The following NAV1 variants were observed in gnomAD, a reference collection of about 807,000 sequenced individuals.
The protein encoded by NAV1 is neuron navigator 1.
Under a neutral mutation model 175.2 loss-of-function variants are expected in NAV1, and 18 were observed. That is an observed-to-expected ratio of 0.10 (90% CI 0.07 to 0.15). The LOEUF is 0.15. Among genes scored for constraint, NAV1 ranks in the 10% least tolerant of loss-of-function variants. NAV1 has a pLI of 1.00. For missense variants in NAV1, 1,731 were observed against 2,436.6 expected (o/e 0.71, Z 6.10); for synonymous variants, 897 against 978.7 (o/e 0.92, Z 1.56).
upstream of NAV1, among the ~76,000 whole-genome samples, chr1:201,644,231 G>C (rs1668901150): frequency 6.6e-6 from 1 of 152,204 alleles, no homozygotes; most frequent in Non-Finnish European, 1.5e-5. Context: ...TTTGAAGCCT[G>C]TCATTCTAGA....
chr1:201,564,952 C>T (rs756069613), intron 1 of NAV1, among the ~76,000 whole-genome samples: 1 of 152,206 alleles, frequency 6.6e-6, no homozygotes, highest in Non-Finnish European at 1.5e-5. Context: ...GAAAGGTTCT[C>T]TGCTTTTAAG....
At chr1:201,608,208 G>T (rs1272061376) in intron 2 of NAV1, among the ~76,000 whole-genome samples, 1 of 152,118 alleles carries the variant, frequency 6.6e-6, no homozygotes, top group African/African-American at 2.4e-5. Flanking sequence ...GCTTAGAGAG[G>T]TTAAGTAACT....
chr1:201,551,525 A>G (rs1665854791), intron 1 of NAV1, among the ~76,000 whole-genome samples: 1 of 152,220 alleles, frequency 6.6e-6, no homozygotes, highest in African/African-American at 2.4e-5. Flanking sequence ...CACCTCGCCC[A>G]GCGCCACAGT....
chr1:201,642,845 C>T (rs181019741), intron 2 of NAV1, among the ~76,000 whole-genome samples: 146 of 151,788 alleles, frequency 9.6e-4, no homozygotes, highest in African/African-American at 3.3e-3. Flanking sequence ...TCTCGGCTCA[C>T]TGCAGGCTCC....
At position 201,777,265 on chromosome 1, in the gene NAV1, C is replaced by T. The variant is rs565799501; in HGVS notation, c.1227-3156C>T. On this transcript the variant is annotated intron_variant, in intron 3 of 29. Transcript: ENST00000367296. Reference sequence around the variant, plus strand: ...AATCGCCAGGATAATGAAGTGTGGTCGCATAATGTCAACTATTCAGCAGAT... The same window carrying T: ...AATCGCCAGGATAATGAAGTGTGGTTGCATAATGTCAACTATTCAGCAGAT... Among the ~76,000 whole-genome samples, 45 of 152,020 alleles carry T rather than the reference C, an allele frequency of 3.0e-4. 1 individual carries two copies. Among genetic ancestry groups the T allele is most frequent in the Admixed American group, 3.9e-4 (6 of 15,258 alleles).
chr1:201,755,759 C>T (rs1674412876), intron 3 of NAV1, among the ~76,000 whole-genome samples: 1 of 152,122 alleles, frequency 6.6e-6, no homozygotes, highest in African/African-American at 2.4e-5. Context: ...TTAAAATAAA[C>T]CTCCTCCTTA....
chr1:201,720,696 G>T (rs897832907), intron 3 of NAV1, among the ~76,000 whole-genome samples: 1 of 152,176 alleles, frequency 6.6e-6, no homozygotes, highest in East Asian at 1.9e-4. Context: ...CTTATCTCAG[G>T]GTTCTGATGA....
At chr1:201,565,834 G>A (rs1343453100) in intron 1 of NAV1, among the ~76,000 whole-genome samples, 3 of 152,096 alleles carry the variant, frequency 2.0e-5, no homozygotes, top group Non-Finnish European at 2.9e-5. Flanking sequence ...GGGGCCTTGT[G>A]GCTTCAGGCC....
chr1:201,579,689 C>G (rs534077786), intron 1 of NAV1, among the ~76,000 whole-genome samples: 1 of 152,202 alleles, frequency 6.6e-6, no homozygotes, highest in South Asian at 2.1e-4. Context: ...CTTTCAGAGT[C>G]TTCTTATGTT....
Position 201,539,521 on chromosome 1 carries a change from C to T in NAV1, c.-144+179C>T, listed in dbSNP as rs1665439584. On this transcript the variant is annotated intron_variant, in intron 1 of 33. Coordinates refer to the NAV1 transcript ENST00000685211. The surrounding 1 kb of genome is among the most constrained non-coding windows in gnomAD (Gnocchi z 5.6). ...GGAGAGGCGCTGGAATAAATAACAA[C>T]CAAGATGCTCGCGGCTTCCCGGGAA... 6.6e-6 allele frequency among the ~76,000 whole-genome samples: 1 copy of T among 152,128 alleles called. No homozygotes were observed. Among genetic ancestry groups the T allele is most frequent in the East Asian group, 1.9e-4 (1 of 5,172 alleles).
chr1:201,639,438 C>A lies in NAV1; in HGVS notation c.5-9196C>A, dbSNP rs535351133. Among the ~76,000 whole-genome samples the A allele has an allele frequency of 9.2e-5, 14 of 152,186 alleles. No homozygotes were observed. The South Asian group carries it at 2.9e-3, about 32-fold the overall frequency. On this transcript the variant is annotated intron_variant, in intron 2 of 29. Coordinates refer to the NAV1 transcript ENST00000367302. ...ACTCCCCAAGGAGGGGAAGGAGAAA[C>A]CCCGTGCCTTGTTGTGCACTGCCAG...
At position 201,609,739 on chromosome 1, in the gene NAV1, G is replaced by A. The variant is rs151105592; in HGVS notation, c.-32-13114G>A. Among the ~76,000 whole-genome samples, 642 of 152,206 alleles carry A rather than the reference G, an allele frequency of 4.2e-3. 6 individuals are homozygous for A. The highest frequency in any genetic ancestry group is 0.014 in the African/African-American group (591 of 41,514). ...TGAGCTCTCCCAGCCCCAAGGTTCCGCTTACCTCTGCTCCTCCCTATTCAG... is the reference window on the plus strand; with the variant it reads ...TGAGCTCTCCCAGCCCCAAGGTTCCACTTACCTCTGCTCCTCCCTATTCAG... On this transcript the variant is annotated intron_variant, in intron 2 of 33. Coordinates refer to the NAV1 transcript ENST00000685211.
Position 201,642,511 on chromosome 1 carries a change from C to CTCTTTCTTTTTCTTTCTTTCTT in NAV1, c.5-6114_5-6113insTTCTTTCTTTCTTTCTTTCTTT, listed in dbSNP as rs1553247032. Among the ~76,000 whole-genome samples the CTCTTTCTTTTTCTTTCTTTCTT allele has an allele frequency of 9.8e-3, 448 of 45,538 alleles. 11 individuals are homozygous for CTCTTTCTTTTTCTTTCTTTCTT. The highest frequency in any genetic ancestry group is 0.03 in the African/African-American group (365 of 12,152). 29.9% of individuals were successfully genotyped at this position (45,538 alleles called of 152,430 possible). On this transcript the variant is annotated intron_variant, in intron 2 of 29. Coordinates refer to the NAV1 transcript ENST00000367302. Reference sequence around the variant, plus strand: ...ACAGGTGTGAGCCACCGCACCCGGCCTCTTTCTTTCTTTTTTTCTTTCTTT... The same window carrying CTCTTTCTTTTTCTTTCTTTCTT: ...ACAGGTGTGAGCCACCGCACCCGGCCTCTTTCTTTTTCTTTCTTTCTTTCTTTCTTTCTTTTTTTCTTTCTTT...
chr1:201,726,662 A>T (rs1672618790), intron 3 of NAV1, among the ~76,000 whole-genome samples: 1 of 151,818 alleles, frequency 6.6e-6, no homozygotes, highest in Non-Finnish European at 1.5e-5. Flanking sequence ...AAAAAAAAAA[A>T]AAAATAGAAA....
At chr1:201,549,542 C>T (rs1454773872) in intron 1 of NAV1, among the ~76,000 whole-genome samples, 1 of 152,206 alleles carries the variant, frequency 6.6e-6, no homozygotes, top group African/African-American at 2.4e-5. Flanking sequence ...GTGAGCAGGA[C>T]AAAAGGCCTG....
chr1:201,761,454 G>A (rs1329370823), intron 3 of NAV1, among the ~76,000 whole-genome samples: 1 of 152,154 alleles, frequency 6.6e-6, no homozygotes, highest in Non-Finnish European at 1.5e-5. Flanking sequence ...GCTCAGAGTT[G>A]CACAGATTTC....
At chr1:201,747,384 G>A (rs1007774042) in intron 3 of NAV1, among the ~76,000 whole-genome samples, 5 of 152,152 alleles carry the variant, frequency 3.3e-5, no homozygotes, top group South Asian at 2.1e-4. Context: ...CCAACTGTAC[G>A]ATTTTAAAAA....
At chr1:201,624,272 C>T (rs1571850923) in intron 1 of NAV1, among the ~76,000 whole-genome samples, 1 of 150,078 alleles carries the variant, frequency 6.7e-6, no homozygotes, top group African/African-American at 2.4e-5. Flanking sequence ...CAAGCTAGTA[C>T]ATCCAGCTTT....
intron 1 of NAV1, among the ~76,000 whole-genome samples, chr1:201,682,115 CAAAAAAAA>C (rs34550001): frequency 3.6e-5 from 3 of 83,512 alleles, no homozygotes; most frequent in African/African-American, 1.3e-4. Flanking sequence ...GACTCCATCT[CAAAAAAAA>C]AAAAAAAAAA....
Sources: gnomAD v4.1 joint callset for allele counts (sites outside exome capture counted in the v4.1 genomes callset) on GRCh38, gnomAD v4.1.1 for gene constraint, Gnocchi (gnomAD v3.1) non-coding constraint, MANE v1.5 for transcripts, NCBI Gene and HGNC (gene_info 2026-07-23, HGNC 2026-07-21) for gene names.